Variants in PIGK observed in about 807,000 individuals in gnomAD.
PIGK encodes phosphatidylinositol glycan anchor biosynthesis class K.
PIGK carries 42 observed loss-of-function variants against 50.6 expected under a neutral mutation model. The ratio of observed to expected loss-of-function variants is 0.83; its 90% CI spans 0.65 to 1.07. The LOEUF (loss-of-function observed/expected upper bound fraction) is 1.07. PIGK is among the 50% of genes least tolerant of loss of function. PIGK has a pLI of 0.00. For missense variants in PIGK, 448 were observed against 488.7 expected, an observed-to-expected ratio of 0.92 and a Z score of 0.78; for synonymous variants, 151 against 156.0, an observed-to-expected ratio of 0.97 and a Z score of 0.24.
intron 9 of PIGK, among the ~76,000 whole-genome samples, chr1:77,124,285 C>T (rs1654175960): frequency 6.6e-6 from 1 of 152,092 alleles, no homozygotes; most frequent in Non-Finnish European, 1.5e-5. Flanking sequence ...CACAGTGTAT[C>T]TTTTAAAAGT....
At chr1:77,179,838 T>C (rs759985349) in intron 3 of PIGK, among the ~76,000 whole-genome samples, 1 of 152,254 alleles carries the variant, frequency 6.6e-6, no homozygotes, top group Admixed American at 6.5e-5. Flanking sequence ...TTCTGTTTAC[T>C]GTTCAGAACA....
intron 10 of PIGK, among the ~76,000 whole-genome samples, chr1:77,114,086 C>T (rs1653912163): frequency 6.6e-6 from 1 of 152,040 alleles, no homozygotes; most frequent in Non-Finnish European, 1.5e-5. Context: ...TTCAATTCAT[C>T]AGAACATGAA....
intron 9 of PIGK, among the ~76,000 whole-genome samples, chr1:77,140,580 T>C (rs184742547): frequency 5.8e-4 from 89 of 152,298 alleles, no homozygotes; most frequent in African/African-American, 2.1e-3. Flanking sequence ...GTGGGTTTTT[T>C]CATATTTAGT....
At chr1:77,144,481 C>T (rs1209400622) in intron 9 of PIGK, among the ~76,000 whole-genome samples, 4 of 151,806 alleles carry the variant, frequency 2.6e-5, no homozygotes, top group Admixed American at 6.6e-5. Context: ...ATTAACTTTG[C>T]TTTGACATAT....
intron 1 of PIGK, among the ~76,000 whole-genome samples, chr1:77,215,237 C>T (rs1178859987): frequency 1.3e-5 from 2 of 151,742 alleles, no homozygotes; most frequent in African/African-American, 2.4e-5. Context: ...CAAAAAAAAC[C>T]AAATAATCTA....
intron 3 of PIGK, among the ~76,000 whole-genome samples, chr1:77,179,378 G>C (rs1045093203): frequency 6.6e-6 from 1 of 152,212 alleles, no homozygotes; most frequent in African/African-American, 2.4e-5. Flanking sequence ...TTGAGTCCTT[G>C]TGGACAAACT....
Position 77,219,390 on chromosome 1 carries a change from C to A in PIGK, c.13G>T (p.Asp5Tyr). The change falls in exon 1 of 11, where the codon GAC (aspartate) becomes TAC (tyrosine). Residue 5 changes from aspartate to tyrosine, a missense_variant. Coordinates refer to ENST00000370812, the MANE Select transcript of PIGK (RefSeq NM_005482.3). ...ACAGTCGCAGCCCGGCTGAGGCTGT[C>A]GGTGACGGCCATGTTTACCGGCTTC... MAVT[D>Y]SLSRAATVLA... 1 of 1,613,356 alleles carries A rather than the reference C, an allele frequency of 6.2e-7. No homozygotes were observed. Among genetic ancestry groups the A allele is most frequent in the South Asian group, 1.1e-5 (1 of 90,906 alleles).
intron 10 of PIGK, among the ~76,000 whole-genome samples, chr1:77,094,130 T>C (rs1006645563): frequency 6.6e-6 from 1 of 152,132 alleles, no homozygotes; most frequent in Non-Finnish European, 1.5e-5. Flanking sequence ...GTTGAAAATG[T>C]TTAAGATCTA....
At chr1:77,211,285 T>C (rs889672323) in intron 1 of PIGK, among the ~76,000 whole-genome samples, 3 of 151,742 alleles carry the variant, frequency 2.0e-5, no homozygotes, top group African/African-American at 7.3e-5. Flanking sequence ...GAATCCATGG[T>C]CCAAATGCCT....
intron 1 of PIGK, among the ~76,000 whole-genome samples, chr1:77,212,509 G>A (rs1175895064): frequency 6.6e-6 from 1 of 152,142 alleles, no homozygotes; most frequent in Non-Finnish European, 1.5e-5. Flanking sequence ...CTGTACCTGT[G>A]TGTACAAGCA....
chr1:77,150,122 G>A lies in PIGK; in HGVS notation c.986+4327C>T, dbSNP rs774260045. Among the ~76,000 whole-genome samples the A allele has an allele frequency of 2.0e-5, 3 of 151,988 alleles. No individual in the cohort carries two copies. In the East Asian group the frequency reaches 5.8e-4, roughly 29 times the overall value. The stretch of plus-strand genomic sequence containing the variant: ...AAAAGGAAAGTTTATAGCAATAAAC[G>A]CCTACATCAAAAAGAAAGATTTCAA... On this transcript the variant is annotated intron_variant, in intron 9 of 10. Coordinates refer to ENST00000370812, the MANE Select transcript of PIGK (RefSeq NM_005482.3).
At chr1:77,110,832 A>G (rs1653824042) in intron 10 of PIGK, among the ~76,000 whole-genome samples, 1 of 152,116 alleles carries the variant, frequency 6.6e-6, no homozygotes. Context: ...CAACCTACAG[A>G]GTGGGAGAAA....
At chr1:77,130,940 T>C (rs193093081) in intron 9 of PIGK, among the ~76,000 whole-genome samples, 2 of 152,196 alleles carry the variant, frequency 1.3e-5, no homozygotes, top group East Asian at 3.9e-4. Context: ...TCAAAGTGCT[T>C]AGAATAGTGT....
chr1:77,152,506 T>C (rs1479298252), intron 9 of PIGK, among the ~76,000 whole-genome samples: 1 of 151,764 alleles, frequency 6.6e-6, no homozygotes, highest in Admixed American at 6.6e-5. Context: ...AAAATGAAAT[T>C]ACATCAAGCT....
chr1:77,162,914 G>A (rs1204498074), intron 6 of PIGK, among the ~76,000 whole-genome samples: 1 of 152,156 alleles, frequency 6.6e-6, no homozygotes, highest in Non-Finnish European at 1.5e-5. Flanking sequence ...TCCTAGCTGT[G>A]TCAAGTTTGG....
chr1:77,202,187 G>A (rs768260675), intron 3 of PIGK, among the ~76,000 whole-genome samples: 1 of 152,286 alleles, frequency 6.6e-6, no homozygotes, highest in South Asian at 2.1e-4. Context: ...CTAGACTAAT[G>A]AGGTTCTACT....
chr1:77,151,219 C>T (rs918053094), intron 9 of PIGK, among the ~76,000 whole-genome samples: 6 of 152,006 alleles, frequency 3.9e-5, no homozygotes, highest in Non-Finnish European at 8.8e-5. Context: ...AAACATGATA[C>T]ATGATCAACA....
intron 10 of PIGK, among the ~76,000 whole-genome samples, chr1:77,100,414 T>C (rs1036281860): frequency 2.6e-5 from 4 of 152,198 alleles, no homozygotes; most frequent in Non-Finnish European, 5.9e-5. Flanking sequence ...ATTATATTAA[T>C]AGTGTAAGTC....
chr1:77,100,111 C>A (rs534869636), intron 10 of PIGK, among the ~76,000 whole-genome samples: 1 of 152,144 alleles, frequency 6.6e-6, no homozygotes, highest in South Asian at 2.1e-4. Context: ...GAGCACAGAT[C>A]TAAGTATTAA....
Sources: allele counts gnomAD v4.1 joint callset (sites outside exome capture counted in the v4.1 genomes callset), GRCh38; gene constraint gnomAD v4.1.1; transcripts MANE v1.5; gene names NCBI Gene and HGNC (gene_info 2026-07-23, HGNC 2026-07-21).